PRKG2: variants seen among roughly 807,000 people sequenced by gnomAD.
The protein encoded by PRKG2 is cGMP-dependent protein kinase 2.
In PRKG2, 33 loss-of-function variants were observed where a neutral mutation model predicts 97.2. The ratio of observed to expected loss-of-function variants is 0.34; its 90% CI spans 0.26 to 0.45. The LOEUF (loss-of-function observed/expected upper bound fraction) is 0.45. PRKG2 is among the 20% of genes least tolerant of loss of function. The pLI, the probability that PRKG2 is intolerant of heterozygous loss-of-function variation, is 1.00. For synonymous variants in PRKG2, 330 were observed against 321.8 expected, an observed-to-expected ratio of 1.03 and a Z score of -0.27; for missense variants, 638 against 900.0, an observed-to-expected ratio of 0.71 and a Z score of 3.73.
upstream of PRKG2, among the ~76,000 whole-genome samples, chr4:81,215,366 A>T (rs1430655402): frequency 6.6e-6 from 1 of 152,034 alleles, no homozygotes; most frequent in Non-Finnish European, 1.5e-5. Flanking sequence ...CCGAACCTTT[A>T]CTCCCGACAC....
chr4:81,208,451 G>A (rs1212302829), intron 1 of PRKG2, among the ~76,000 whole-genome samples: 1 of 151,994 alleles, frequency 6.6e-6, no homozygotes, highest in East Asian at 1.9e-4. Flanking sequence ...TTTGTGACAG[G>A]GTCTCATTCT....
At chr4:81,214,097 A>AACTCC (rs1237223426) in intron 1 of PRKG2, among the ~76,000 whole-genome samples, 1 of 151,538 alleles carries the variant, frequency 6.6e-6, no homozygotes, top group Non-Finnish European at 1.5e-5. Context: ...ATTTCTAAGA[A>AACTCC]ACTCTAAATA....
At chr4:81,150,100 G>C (rs942340977) in intron 8 of PRKG2, among the ~76,000 whole-genome samples, 1 of 152,100 alleles carries the variant, frequency 6.6e-6, no homozygotes, top group African/African-American at 2.4e-5. Context: ...AGATAGAGAT[G>C]GTGGATGTAG....
chr4:81,138,357 G>A (rs1746924365), intron 12 of PRKG2, among the ~76,000 whole-genome samples: 1 of 152,064 alleles, frequency 6.6e-6, no homozygotes, highest in Non-Finnish European at 1.5e-5. Context: ...AAAGCAGACA[G>A]TAGAACAGCC....
intron 11 of PRKG2, 104 bp from the exon 12 acceptor site, chr4:81,140,773 C>T: frequency 1.0e-6 from 1 of 969,498 alleles, no homozygotes. Flanking sequence ...GTATGGAAGC[C>T]CTTAGCCACT....
At chr4:81,155,360 C>T (rs1042539639) in intron 6 of PRKG2, among the ~76,000 whole-genome samples, 19 of 151,420 alleles carry the variant, frequency 1.3e-4, no homozygotes, top group African/African-American at 2.4e-4. Context: ...TGAAATGAAG[C>T]GAGAAGGGAA....
At chr4:81,129,592 C>T (rs541965324) in intron 14 of PRKG2, among the ~76,000 whole-genome samples, 358 of 152,140 alleles carry the variant, frequency 2.4e-3, no homozygotes, top group Non-Finnish European at 4.1e-3. Flanking sequence ...ATGTAATGCC[C>T]TTCTTTGTCT....
upstream of PRKG2, among the ~76,000 whole-genome samples, chr4:81,215,630 C>T (rs1029222458): frequency 4.0e-5 from 6 of 151,618 alleles, no homozygotes; most frequent in Admixed American, 3.3e-4. Context: ...GCGCACGTAC[C>T]CTGGACATGC....
chr4:81,108,531 A>T (rs536284734), intron 15 of PRKG2, among the ~76,000 whole-genome samples: 2 of 145,848 alleles, frequency 1.4e-5, no homozygotes, highest in Non-Finnish European at 1.5e-5. Context: ...AGTTCAGGGC[A>T]TTTAAAGTTA....
At chr4:81,217,023 T>C (rs558465833), upstream of PRKG2, among the ~76,000 whole-genome samples, 889 of 109,902 alleles carry the variant, frequency 8.1e-3, 15 homozygotes, top group Admixed American at 0.012. Context: ...TGTGTGTGTA[T>C]ATATTTTGTA....
At chr4:81,187,243 C>A (rs772155453) in intron 2 of PRKG2, among the ~76,000 whole-genome samples, 1 of 152,078 alleles carries the variant, frequency 6.6e-6, no homozygotes, top group Non-Finnish European at 1.5e-5. Context: ...ACTGGGAAAC[C>A]GAATCCAGCA....
At chr4:81,211,582 AT>A (rs948436111) in intron 1 of PRKG2, among the ~76,000 whole-genome samples, 1 of 152,220 alleles carries the variant, frequency 6.6e-6, no homozygotes, top group Non-Finnish European at 1.5e-5. Context: ...GGAAAATAAT[AT>A]TCTCATAAAT....
chr4:81,146,165 A>C (rs1337093320), intron 9 of PRKG2, among the ~76,000 whole-genome samples: 1 of 152,150 alleles, frequency 6.6e-6, no homozygotes, highest in Non-Finnish European at 1.5e-5. Flanking sequence ...TCTATACTTC[A>C]CCATTATTTT....
chr4:81,159,376 C>T (rs1353067451), intron 6 of PRKG2, among the ~76,000 whole-genome samples: 1 of 152,126 alleles, frequency 6.6e-6, no homozygotes, highest in African/African-American at 2.4e-5. Flanking sequence ...CATCACTGGC[C>T]ATCAGAGAAA....
At chr4:81,106,412 G>A (rs1417761694) in intron 15 of PRKG2, among the ~76,000 whole-genome samples, 1 of 152,122 alleles carries the variant, frequency 6.6e-6, no homozygotes, top group East Asian at 1.9e-4. Context: ...TGTGGCTGGT[G>A]GAGTGAGGAA....
intron 2 of PRKG2, among the ~76,000 whole-genome samples, chr4:81,201,588 G>GTGCC (rs1473873964): frequency 4.6e-5 from 7 of 152,156 alleles, no homozygotes; most frequent in Admixed American, 3.3e-4. Context: ...TGAGCTGGTG[G>GTGCC]TGCCTAGCAA....
intron 2 of PRKG2, among the ~76,000 whole-genome samples, chr4:81,179,986 A>G (rs1751268054): frequency 6.6e-6 from 1 of 152,090 alleles, no homozygotes; most frequent in South Asian, 2.1e-4. Context: ...CACAAAAATT[A>G]GCCAGGCATG....
chr4:81,144,322 T>C lies in PRKG2; in HGVS notation c.1163A>G (p.Asn388Ser), dbSNP rs1246608314. The C allele has an allele frequency of 3.1e-6, 5 of 1,607,460 alleles. No homozygotes were observed. Among genetic ancestry groups the C allele is most frequent in the East Asian group, 2.2e-5 (1 of 44,818 alleles). ...CTCTTCAAATGTACCGACAGTTTGGTTGAATGTTCTAAATAGATAGAATAA... is the reference window on the plus strand; with the variant it reads ...CTCTTCAAATGTACCGACAGTTTGGCTGAATGTTCTAAATAGATAGAATAA... ...ACLVIDRETF[N>S]QTVGTFEELQ... Residue 388 changes from asparagine (N) to serine (S), a missense_variant, in exon 10 of 19, where the codon AAC becomes AGC. Transcript: ENST00000264399.
At chr4:81,149,978 C>T (rs1229766560) in intron 8 of PRKG2, among the ~76,000 whole-genome samples, 1 of 152,174 alleles carries the variant, frequency 6.6e-6, no homozygotes, top group Admixed American at 6.5e-5. Flanking sequence ...CACTGTCCCT[C>T]CCAAGTTTAC....
Sources: gnomAD v4.1 joint callset for allele counts (sites outside exome capture counted in the v4.1 genomes callset) on GRCh38, gnomAD v4.1.1 for gene constraint, MANE v1.5 for transcripts, NCBI Gene and HGNC (gene_info 2026-07-23, HGNC 2026-07-21) for gene names.